PRRC2B: variants seen among roughly 807,000 people sequenced by gnomAD.
PRRC2B encodes proline rich coiled-coil 2B.
A neutral mutation model predicts 242.3 loss-of-function variants in PRRC2B; 68 were observed. The observed-to-expected ratio is 0.28, with a 90% CI of 0.23 to 0.34. The LOEUF (loss-of-function observed/expected upper bound fraction) is 0.34, where lower values mean the gene tolerates loss of function less well. Ranked by LOEUF, PRRC2B falls within the 10% of genes least tolerant of loss-of-function variation. The probability of loss-of-function intolerance (pLI) is 1.00; values close to 1 mark genes in which losing one functional copy is unlikely to be tolerated. For missense variants in PRRC2B, 2,835 were observed against 2,954.8 expected (o/e 0.96, Z 0.94); for synonymous variants, 1,228 against 1,173.6 (o/e 1.05, Z -0.95).
At chr9:131,424,557 G>A (rs373234081) in intron 1 of PRRC2B, among the ~76,000 whole-genome samples, 18 of 152,108 alleles carry the variant, frequency 1.2e-4, no homozygotes, top group East Asian at 5.8e-4. Context: ...GTGGTGGCGC[G>A]CACCTGTAAT....
chr9:131,491,393 T>C, intron 28 of PRRC2B, 32 bp from the exon 29 acceptor site: 1 of 1,557,564 alleles, frequency 6.4e-7, no homozygotes, highest in Non-Finnish European at 8.7e-7. Context: ...ATAGCATCAT[T>C]CCCCCTCCTG....
chr9:131,413,344 C>T (rs1057283651), intron 1 of PRRC2B, among the ~76,000 whole-genome samples: 2 of 152,186 alleles, frequency 1.3e-5, no homozygotes, highest in Non-Finnish European at 2.9e-5. Flanking sequence ...AAACTGAACG[C>T]AGTAGGGTGG....
chr9:131,391,623 A>G (rs1422019853), upstream of PRRC2B, among the ~76,000 whole-genome samples: 1 of 152,010 alleles, frequency 6.6e-6, no homozygotes, highest in Non-Finnish European at 1.5e-5. Context: ...TGGGCACACT[A>G]GTGTCTGTTT....
At chr9:131,477,993 C>T in intron 17 of PRRC2B, 44 bp downstream of exon 17, 1 of 1,569,916 alleles carries the variant, frequency 6.4e-7, no homozygotes, top group Non-Finnish European at 8.8e-7. Context: ...TCAGGCAGAA[C>T]CAGGGGCCAT....
chr9:131,489,184 CTTTTTT>C (rs558036228), intron 28 of PRRC2B, among the ~76,000 whole-genome samples: 2 of 131,646 alleles, frequency 1.5e-5, no homozygotes, highest in African/African-American at 5.8e-5. Context: ...CTCCAAAATT[CTTTTTT>C]TTTTTTTTTT....
chr9:131,474,737 A>T lies in PRRC2B; in HGVS notation c.2608A>T (p.Ser870Cys). ...VPDEKKPECG[S>C]WDVSHQPETA... ...AGATGAGAAAAAGCCAGAGTGTGGC[A>T]GTTGGGATGTTAGCCACCAGCCAGA... The change falls in exon 16 of 32, where the codon AGT becomes TGT. Residue 870 changes from serine (S) to cysteine (C), a missense_variant. Ser to Cys is a moderately radical substitution (Grantham distance 112). Around this residue, in one of 7 missense-constraint regions of PRRC2B, gnomAD observed 1,536 missense variants for 1,483.1 expected, o/e 1.04. Coordinates refer to ENST00000683519, the MANE Select transcript of PRRC2B (RefSeq NM_013318.4). The T allele has an allele frequency of 6.2e-7, 1 of 1,612,472 alleles. No homozygotes were observed. The highest frequency in any genetic ancestry group is 8.5e-7 in the Non-Finnish European group (1 of 1,179,430).
rs377196163 is a variant in PRRC2B at position 131,475,776 on chromosome 9, G to C, written c.3647G>C (p.Arg1216Pro). 11 of 1,613,346 alleles carry C rather than the reference G, an allele frequency of 6.8e-6. No homozygotes were observed. Among genetic ancestry groups the C allele is most frequent in the Non-Finnish European group, 9.3e-6 (11 of 1,179,556 alleles). The change falls in exon 16 of 32, where the codon CGG becomes CCG. Residue 1216 changes from arginine to proline, a missense_variant. By Grantham distance (103) the Arg-to-Pro change is moderately radical. Coordinates refer to ENST00000683519, the MANE Select transcript of PRRC2B (RefSeq NM_013318.4). ...CGGCTGAGCAATTGCGGGTATGGACGGAGAACCTTCGTCTCCAAAGAGTCA... is the reference window on the plus strand; with the variant it reads ...CGGCTGAGCAATTGCGGGTATGGACCGAGAACCTTCGTCTCCAAAGAGTCA... ...PPRLSNCGYG[R>P]RTFVSKESPH...
intron 1 of PRRC2B, among the ~76,000 whole-genome samples, chr9:131,381,939 C>T (rs1331223747): frequency 3.3e-5 from 5 of 151,530 alleles, no homozygotes; most frequent in African/African-American, 1.2e-4. Context: ...AGGGTTTCAC[C>T]GTGTGGGCCA....
intron 8 of PRRC2B, 146 bp from the exon 9 acceptor site, chr9:131,447,516 T>A: frequency 1.1e-6 from 1 of 925,936 alleles, no homozygotes. Context: ...ACTCGTTTGC[T>A]CATTATATAT....
At chr9:131,443,569 G>T (rs144299262) in intron 5 of PRRC2B, among the ~76,000 whole-genome samples, 2,622 of 152,184 alleles carry the variant, frequency 0.017, 40 homozygotes, top group Non-Finnish European at 0.029. Context: ...GAGTAGTTGG[G>T]ACTACAGGCG....
intron 1 of PRRC2B, among the ~76,000 whole-genome samples, chr9:131,408,702 C>G (rs560804158): frequency 6.6e-6 from 1 of 151,550 alleles, no homozygotes; most frequent in Admixed American, 6.6e-5. Flanking sequence ...GGATTGTTTT[C>G]TTGTGCACAC....
In PRRC2B at chr9:131,455,058, G is replaced by A. The variant is rs1157457018; in HGVS notation, c.1121-18G>A. ...TTTCATTCTTTCTCATTCTTCCTGGGCCCTCCTGCTGTTGTAGGCCTCCAT... is the reference window on the plus strand; with the variant it reads ...TTTCATTCTTTCTCATTCTTCCTGGACCCTCCTGCTGTTGTAGGCCTCCAT... On this transcript the variant is annotated intron_variant, in intron 9 of 31. Coordinates refer to ENST00000683519, the MANE Select transcript of PRRC2B (RefSeq NM_013318.4). 6.3e-7 allele frequency: 1 copy of A among 1,593,786 alleles called. No individual in the cohort carries two copies. Among genetic ancestry groups the A allele is most frequent in the Non-Finnish European group, 8.6e-7 (1 of 1,163,522 alleles).
intron 1 of PRRC2B, among the ~76,000 whole-genome samples, chr9:131,395,925 C>T (rs1006086012): frequency 1.3e-5 from 2 of 152,196 alleles, no homozygotes; most frequent in Non-Finnish European, 2.9e-5. Flanking sequence ...GGAGTCCTGC[C>T]TTCTGAGGAT....
At chr9:131,472,303 G>GATT (rs912289657) in intron 14 of PRRC2B, among the ~76,000 whole-genome samples, 29 of 151,554 alleles carry the variant, frequency 1.9e-4, no homozygotes, top group South Asian at 1.5e-3. Flanking sequence ...TTGGGATGAT[G>GATT]ATTATTATTA....
chr9:131,431,632 G>A (rs1838176137), intron 2 of PRRC2B, among the ~76,000 whole-genome samples: 7 of 149,848 alleles, frequency 4.7e-5, no homozygotes, highest in Admixed American at 4.0e-4. Context: ...GCTCAGGCTG[G>A]ATGGAGTGCA....
chr9:131,477,723 A>C, intron 16 of PRRC2B, 21 bp from the exon 17 acceptor site: 2 of 1,520,330 alleles, frequency 1.3e-6, no homozygotes, highest in Non-Finnish European at 1.8e-6. Flanking sequence ...TCTGGTTAAC[A>C]AGATCCTCTT....
chr9:131,446,496 A>T lies in PRRC2B; in HGVS notation c.709A>T (p.Thr237Ser), dbSNP rs1250023353. ...TGAGCTGGGCAGCAGGAACTCGAGTACGGGAGATGGAGCCCCCTCCTCGGC... is the reference window on the plus strand; with the variant it reads ...TGAGCTGGGCAGCAGGAACTCGAGTTCGGGAGATGGAGCCCCCTCCTCGGC... The part of the protein sequence containing the change: ...PTELGSRNSS[T>S]GDGAPSSACT... Residue 237 changes from threonine to serine, a missense_variant, in exon 7 of 32, where the codon ACG (threonine) becomes TCG (serine). Physicochemically the swap from Thr to Ser is moderately conservative, Grantham distance 58. This residue lies in a region of PRRC2B where 626 missense variants were observed against 685.5 expected (regional missense o/e 0.91). Transcript: ENST00000683519. This position sits in a 1 kb window ranked among gnomAD's most constrained non-coding sequence, Gnocchi z 4.1. 2 of 1,613,772 alleles carry T rather than the reference A, an allele frequency of 1.2e-6. No individual in the cohort carries two copies. The highest frequency in any genetic ancestry group is 1.7e-6 in the Non-Finnish European group (2 of 1,179,876).
intron 3 of PRRC2B, among the ~76,000 whole-genome samples, chr9:131,434,761 C>T (rs1417189158): frequency 1.3e-5 from 2 of 152,084 alleles, no homozygotes; most frequent in African/African-American, 2.4e-5. Context: ...CCTTGAATCT[C>T]GTTGAGTGAA....
intron 1 of PRRC2B, among the ~76,000 whole-genome samples, chr9:131,397,228 T>A (rs540175764): frequency 2.6e-5 from 4 of 152,352 alleles, no homozygotes; most frequent in Admixed American, 1.3e-4. Flanking sequence ...TGAATTTTGG[T>A]TATCTGTGGC....
Sources: gnomAD v4.1 joint callset for allele counts (sites outside exome capture counted in the v4.1 genomes callset) on GRCh38, gnomAD v4.1.1 for gene constraint, gnomAD v4.1.1 regional missense constraint, Gnocchi (gnomAD v3.1) non-coding constraint, MANE v1.5 for transcripts, NCBI Gene and HGNC (gene_info 2026-07-23, HGNC 2026-07-21) for gene names.